TRPV6: variants seen among roughly 807,000 people sequenced by gnomAD.
TRPV6 encodes the protein Alu-binding protein with zinc finger domain.
In TRPV6, 39 loss-of-function variants were observed where a neutral mutation model predicts 79.0. The ratio of observed to expected loss-of-function variants is 0.49; its 90% CI spans 0.38 to 0.64. The LOEUF is 0.64. Among genes scored for constraint, TRPV6 ranks in the 30% least tolerant of loss-of-function variants. The probability of loss-of-function intolerance (pLI) is 0.00; values close to 1 mark genes in which losing one functional copy is unlikely to be tolerated. For synonymous variants in TRPV6, 373 were observed against 391.9 expected (o/e 0.95, Z 0.57); for missense variants, 813 against 1,011.1 (o/e 0.80, Z 2.66).
chr7:142,885,339 A>T, intron 1 of TRPV6, 50 bp downstream of exon 1: 2 of 1,548,024 alleles, frequency 1.3e-6, no homozygotes, highest in Non-Finnish European at 1.7e-6. Context: ...TGAGGGGTAG[A>T]GGTGCAGGCC....
chr7:142,885,059 G>A lies in TRPV6; in HGVS notation c.248+330C>T, dbSNP rs539707451. 19 of 194,752 alleles carry A rather than the reference G, an allele frequency of 9.8e-5. No homozygotes were observed. In the South Asian group the frequency reaches 1.9e-3, roughly 20 times the overall value. 12.1% of individuals were successfully genotyped at this position (194,752 alleles called of 1,614,324 possible). A position where few individuals can be genotyped will look rare whatever the true frequency, so the allele number is the denominator to read the frequency against. ...ACAGAAGGCATTGTCCTCACCTGCCGTCCCCTCTTGGGTGGAGGGGCTGTG... is the reference window on the plus strand; with the variant it reads ...ACAGAAGGCATTGTCCTCACCTGCCATCCCCTCTTGGGTGGAGGGGCTGTG... On this transcript the variant is annotated intron_variant, in intron 1 of 14. Transcript: ENST00000359396.
Position 142,877,943 on chromosome 7 carries a change from T to G in TRPV6, c.332A>C (p.Lys111Thr). 6.2e-7 allele frequency: 1 copy of G among 1,614,182 alleles called. No homozygotes were observed. Among genetic ancestry groups the G allele is most frequent in the Non-Finnish European group, 8.5e-7 (1 of 1,180,014 alleles). Residue 111 changes from lysine (K) to threonine (T), a missense_variant, in exon 2 of 15, where the codon AAG becomes ACG. Transcript: ENST00000359396. ...GTGCTTCTTACCTCTCTGGTGCACC[T>G]TGCAATCCTCATACTTGAGCAACTT...
rs1161626107 is a variant in TRPV6, at chr7:142,877,222, A to G, written c.527T>C (p.Leu176Pro). The change falls in exon 4 of 15, where the codon CTG becomes CCG. Residue 176 changes from leucine (L) to proline (P), a missense_variant. Leu to Pro is a moderately conservative substitution (Grantham distance 98). Coordinates refer to ENST00000359396, the MANE Select transcript of TRPV6 (RefSeq NM_018646.6). ...AGAGACACTGGCCCTGCGGGCAAGCAGGGCTCGCACCAGGTTCATGTTCTG... is the reference window on the plus strand; with the variant it reads ...AGAGACACTGGCCCTGCGGGCAAGCGGGGCTCGCACCAGGTTCATGTTCTG... 4 of 1,614,256 alleles carry G rather than the reference A, an allele frequency of 2.5e-6. No homozygotes were observed. Among genetic ancestry groups the G allele is most frequent in the Non-Finnish European group, 3.4e-6 (4 of 1,180,036 alleles).
Position 142,873,912 on chromosome 7 carries a change from A to G in TRPV6, c.1639+164T>C. 1 of 1,081,822 alleles carries G rather than the reference A, an allele frequency of 9.2e-7. No individual in the cohort carries two copies. Among genetic ancestry groups the G allele is most frequent in the Non-Finnish European group, 1.3e-6 (1 of 745,304 alleles). 67.0% of individuals were successfully genotyped at this position (1,081,822 alleles called of 1,614,324 possible). A position where few individuals can be genotyped will look rare whatever the true frequency, so the allele number is the denominator to read the frequency against. Reference sequence around the variant, plus strand: ...ATCCTAAGAGCCACCTCTCCCTAACACTCCCGATTTTTCTCACCTCTGGAG... The same window carrying G: ...ATCCTAAGAGCCACCTCTCCCTAACGCTCCCGATTTTTCTCACCTCTGGAG... On this transcript the variant is annotated intron_variant, in intron 12 of 14. Coordinates refer to ENST00000359396, the MANE Select transcript of TRPV6 (RefSeq NM_018646.6). The surrounding 1 kb of genome is among the most constrained non-coding windows in gnomAD (Gnocchi z 4.8).
In TRPV6 at chr7:142,875,117, C is replaced by T; in HGVS notation, c.1290G>A (p.Leu430=). Reference sequence around the variant, plus strand: ...TGATGATAGCCCCAATGACAGTCACCAGCTCCCCGACCAGCCGGATATCGT... The same window carrying T: ...TGATGATAGCCCCAATGACAGTCACTAGCTCCCCGACCAGCCGGATATCGT... Residue 430 remains leucine (L), a synonymous_variant, in exon 9 of 15, where the codon CTG becomes CTA. Transcript: ENST00000359396. The T allele has an allele frequency of 6.2e-7, 1 of 1,614,180 alleles. No homozygotes were observed. Among genetic ancestry groups the T allele is most frequent in the Non-Finnish European group, 8.5e-7 (1 of 1,180,026 alleles).
rs538224872 is a variant in TRPV6 at position 142,885,568 on chromosome 7, G to A, written c.69C>T (p.Pro23=). 42 of 1,548,054 alleles carry A rather than the reference G, an allele frequency of 2.7e-5. No homozygotes were observed. The East Asian group carries it at 3.5e-4, about 13-fold the overall frequency. Residue 23 remains proline (P), a synonymous_variant, in exon 1 of 15, where the codon CCC becomes CCT. Transcript: ENST00000359396. ...CCTGAGGCCGAGGCCAGACCCTGAC[G>A]GGACTCAGCCTTGGGGCCACATCAG...
chr7:142,875,556 A>G lies in TRPV6; in HGVS notation c.1154T>C (p.Met385Thr). ...CTTGAGGGGGCGGTAGATGCAGCACATGGTGAAGCAGATGATGTACAGCAG... is the reference window on the plus strand; with the variant it reads ...CTTGAGGGGGCGGTAGATGCAGCACGTGGTGAAGCAGATGATGTACAGCAG... The change falls in exon 8 of 15, where the codon ATG becomes ACG. Residue 385 changes from methionine to threonine, a missense_variant. Met to Thr is a moderately conservative substitution (Grantham distance 81). Coordinates refer to ENST00000359396, the MANE Select transcript of TRPV6 (RefSeq NM_018646.6). 1 of 1,613,282 alleles carries G rather than the reference A, an allele frequency of 6.2e-7. No homozygotes were observed. The highest frequency in any genetic ancestry group is 8.5e-7 in the Non-Finnish European group (1 of 1,179,960).
At chr7:142,877,569 C>A in intron 3 of TRPV6, 82 bp downstream of exon 3, 1 of 1,557,500 alleles carries the variant, frequency 6.4e-7, no homozygotes, top group Non-Finnish European at 8.7e-7. Flanking sequence ...CTGTGTCTTT[C>A]CCAAATTATC....
At chr7:142,872,579 G>C (rs920688474) in intron 13 of TRPV6, 101 bp from the exon 14 acceptor site, 2 of 1,188,566 alleles carry the variant, frequency 1.7e-6, no homozygotes, top group Admixed American at 2.0e-5. Context: ...GGAGAGAGTT[G>C]ATAGAGCTTG....
At chr7:142,878,182 C>CT in intron 1 of TRPV6, 156 bp from the exon 2 acceptor site, 1 of 636,634 alleles carries the variant, frequency 1.6e-6, no homozygotes, top group Non-Finnish European at 2.8e-6. Context: ...CCATTGATGT[C>CT]TTTTCTCTTT....
rs1367706882 is a variant in TRPV6 at position 142,876,821 on chromosome 7, G to A, written c.624C>T (p.Ser208=). Residue 208 remains serine, a synonymous_variant, in exon 5 of 15, where the codon TCC becomes TCT. Coordinates refer to ENST00000359396, the MANE Select transcript of TRPV6 (RefSeq NM_018646.6). ...CCTCACTGTTCACACAGGCAGCAAAGGACAAAGGGTGCTCCCCTGTGGACA... is the reference window on the plus strand; with the variant it reads ...CCTCACTGTTCACACAGGCAGCAAAAGACAAAGGGTGCTCCCCTGTGGACA... 6.2e-7 allele frequency: 1 copy of A among 1,614,130 alleles called. No individual in the cohort carries two copies. The highest frequency in any genetic ancestry group is 8.5e-7 in the Non-Finnish European group (1 of 1,180,004).
chr7:142,877,379 G>C, intron 3 of TRPV6, 100 bp from the exon 4 acceptor site: 3 of 1,551,182 alleles, frequency 1.9e-6, no homozygotes, highest in Non-Finnish European at 1.7e-6. Context: ...GGGTAGCCTG[G>C]GATGGAGAAC....
intron 13 of TRPV6, among the ~76,000 whole-genome samples, chr7:142,872,924 G>A (rs1050160599): frequency 1.3e-5 from 2 of 152,108 alleles, no homozygotes; most frequent in African/African-American, 4.8e-5. Context: ...TTGCTGAAAT[G>A]ATTTTTTTAG....
chr7:142,876,513 C>T lies in TRPV6; in HGVS notation c.777G>A (p.Leu259=), dbSNP rs757683402. 1.9e-6 allele frequency: 3 copies of T among 1,614,166 alleles called. No individual in the cohort carries two copies. Among genetic ancestry groups the T allele is most frequent in the Non-Finnish European group, 2.5e-6 (3 of 1,180,022 alleles). Reference sequence around the variant, plus strand: ...GGTCCCCATGTCTGTCGTAGGACAGCAACAGGTTGTACATCTGGCAGGCAA... The same window carrying T: ...GGTCCCCATGTCTGTCGTAGGACAGTAACAGGTTGTACATCTGGCAGGCAA... Residue 259 remains leucine (L), a synonymous_variant, in exon 6 of 15, where the codon TTG becomes TTA. Transcript: ENST00000359396.
chr7:142,876,874 G>A (rs757365198), intron 4 of TRPV6, 37 bp from the exon 5 acceptor site: 39 of 1,609,882 alleles, frequency 2.4e-5, no homozygotes, highest in Non-Finnish European at 3.2e-5. Flanking sequence ...GGAGAGTGCA[G>A]GATGGCAGGA....
chr7:142,879,391 T>C (rs1270468923), intron 1 of TRPV6: 2 of 152,238 alleles, frequency 1.3e-5, no homozygotes, highest in African/African-American at 4.8e-5. Context: ...AATTAGAACT[T>C]ACCCCAACTA....
chr7:142,879,639 C>A (rs4987636), intron 1 of TRPV6: 4 of 152,056 alleles, frequency 2.6e-5, no homozygotes, highest in African/African-American at 9.7e-5. Context: ...TCTGCCTTGC[C>A]CCCATGCACA....
At chr7:142,878,168 G>A (rs1033378767) in intron 1 of TRPV6, 142 bp from the exon 2 acceptor site, 1 of 670,250 alleles carries the variant, frequency 1.5e-6, no homozygotes, top group East Asian at 2.7e-5. Flanking sequence ...CAAGGCAGGT[G>A]GGGCCATTGA....
At position 142,874,639 on chromosome 7, in the gene TRPV6, A is replaced by G; in HGVS notation, c.1424T>C (p.Met475Thr). 4 of 1,613,982 alleles carry G rather than the reference A, an allele frequency of 2.5e-6. No individual in the cohort carries two copies. Among genetic ancestry groups the G allele is most frequent in the Non-Finnish European group, 3.4e-6 (4 of 1,179,950 alleles). Reference sequence around the variant, plus strand: ...CCGCATCACCATGGTCACCAGCACCATGAAGGCATAGGTGATGCTGGGGGA... The same window carrying G: ...CCGCATCACCATGGTCACCAGCACCGTGAAGGCATAGGTGATGCTGGGGGA... Residue 475 changes from methionine to threonine, a missense_variant, in exon 11 of 15, where the codon ATG (methionine) becomes ACG (threonine). By Grantham distance (81) the Met-to-Thr change is moderately conservative. This residue lies in a region of TRPV6 where 555 missense variants were observed against 631.0 expected (regional missense o/e 0.88). Transcript: ENST00000359396.
Sources: gnomAD v4.1 joint callset for allele counts (sites outside exome capture counted in the v4.1 genomes callset) on GRCh38, gnomAD v4.1.1 for gene constraint, gnomAD v4.1.1 regional missense constraint, Gnocchi (gnomAD v3.1) non-coding constraint, MANE v1.5 for transcripts, NCBI Gene and HGNC (gene_info 2026-07-23, HGNC 2026-07-21) for gene names.